Variants in SFSWAP observed in about 807,000 individuals in gnomAD.
SFSWAP encodes the protein splicing factor, suppressor of white-apricot homolog.
SFSWAP carries 17 observed loss-of-function variants against 100.7 expected under a neutral mutation model. The ratio of observed to expected loss-of-function variants is 0.17; its 90% CI spans 0.12 to 0.25. The LOEUF is 0.25. SFSWAP is among the 10% of genes least tolerant of loss of function. The probability of loss-of-function intolerance (pLI) is 1.00; values close to 1 mark genes in which losing one functional copy is unlikely to be tolerated. For synonymous variants in SFSWAP, 504 were observed against 510.1 expected (o/e 0.99, Z 0.16); for missense variants, 1,005 against 1,262.6 (o/e 0.80, Z 3.09).
chr12:131,779,618 G>C (rs771743065), intron 14 of SFSWAP, among the ~76,000 whole-genome samples: 2 of 151,838 alleles, frequency 1.3e-5, no homozygotes, highest in East Asian at 3.9e-4. Flanking sequence ...CACTGACTGT[G>C]CTCATCTAGT....
At chr12:131,753,421 G>A in intron 8 of SFSWAP, 58 bp downstream of exon 8, 1 of 1,547,116 alleles carries the variant, frequency 6.5e-7, no homozygotes, top group Non-Finnish European at 8.8e-7. Context: ...GCAGTCACTG[G>A]GGCCGTCTGT....
rs1407086220 is a variant in SFSWAP at position 131,730,682 on chromosome 12, G to A, written c.1081+2254G>A. 6.6e-6 allele frequency among the ~76,000 whole-genome samples: 1 copy of A among 152,104 alleles called. No individual in the cohort carries two copies. The highest frequency in any genetic ancestry group is 1.5e-5 in the Non-Finnish European group (1 of 68,012). ...TTCTTCCCACCTGCTGATGGCTCCC[G>A]AGACCACTGATAAGCCGTGACAGCC... On this transcript the variant is annotated intron_variant, in intron 7 of 17. Transcript: ENST00000261674. The surrounding 1 kb of genome is among the most constrained non-coding windows in gnomAD (Gnocchi z 4.0).
chr12:131,762,598 TTTG>T (rs1336010973), intron 11 of SFSWAP, among the ~76,000 whole-genome samples: 3 of 152,240 alleles, frequency 2.0e-5, no homozygotes, highest in Non-Finnish European at 4.4e-5. Context: ...TGTTTTGTTT[TTTG>T]TTTTTTTTGA....
chr12:131,753,019 C>CA (rs1481346975), intron 7 of SFSWAP, 104 bp from the exon 8 acceptor site: 1 of 1,515,970 alleles, frequency 6.6e-7, no homozygotes, highest in East Asian at 2.3e-5. Flanking sequence ...TGAGCAGAGG[C>CA]AAGGCTGCAT....
chr12:131,798,628 G>T (rs569364354), intron 16 of SFSWAP, among the ~76,000 whole-genome samples: 1 of 152,144 alleles, frequency 6.6e-6, no homozygotes, highest in Non-Finnish European at 1.5e-5. Context: ...GGCGGCTCAC[G>T]CCTATAATCC....
intron 14 of SFSWAP, among the ~76,000 whole-genome samples, chr12:131,782,908 C>T (rs975591164): frequency 1.7e-4 from 26 of 152,138 alleles, no homozygotes; most frequent in Non-Finnish European, 1.5e-4. Context: ...GAGGCTGGCA[C>T]GGTGGCTCAC....
At chr12:131,753,531 CAG>C (rs1251713055) in intron 8 of SFSWAP, 168 bp downstream of exon 8, 7 of 952,936 alleles carry the variant, frequency 7.3e-6, no homozygotes, top group Non-Finnish European at 1.1e-5. Flanking sequence ...GACAGGAAAA[CAG>C]AAATGGTTGT....
chr12:131,785,647 G>T (rs1267780995), intron 14 of SFSWAP: 1 of 158,114 alleles, frequency 6.3e-6, no homozygotes, highest in Non-Finnish European at 1.4e-5. Context: ...CCCCTGGAGG[G>T]GCGCGGGTCT....
chr12:131,717,166 C>T (rs1352882768), intron 3 of SFSWAP, among the ~76,000 whole-genome samples: 2 of 152,128 alleles, frequency 1.3e-5, no homozygotes, highest in African/African-American at 2.4e-5. Context: ...CCCCATTGAG[C>T]GTCACATTCT....
intron 7 of SFSWAP, among the ~76,000 whole-genome samples, chr12:131,747,777 T>C (rs1460627442): frequency 6.6e-6 from 1 of 152,150 alleles, no homozygotes; most frequent in Non-Finnish European, 1.5e-5. Flanking sequence ...GGGGCTCTGT[T>C]CTGGACACAT....
intron 1 of SFSWAP, chr12:131,712,193 T>C (rs577903574): frequency 6.6e-6 from 1 of 152,202 alleles, no homozygotes; most frequent in Non-Finnish European, 1.5e-5. Context: ...GGGATATAGA[T>C]GTGTTGTTTC....
rs193256276 is a variant in SFSWAP at position 131,732,163 on chromosome 12, G to A, written c.1081+3735G>A. Among the ~76,000 whole-genome samples, 188 of 152,182 alleles carry A rather than the reference G, an allele frequency of 1.2e-3. 1 individual carries two copies. Among genetic ancestry groups the A allele is most frequent in the African/African-American group, 4.3e-3 (178 of 41,530 alleles). On this transcript the variant is annotated intron_variant, in intron 7 of 17. Coordinates refer to ENST00000261674, the MANE Select transcript of SFSWAP (RefSeq NM_004592.4). ...GACCTCAGGTGATCCGCCCACCTCA[G>A]CCTCCCAAAGTGCTGGGATTACAGG...
At chr12:131,777,059 T>C (rs1327333527) in intron 13 of SFSWAP, among the ~76,000 whole-genome samples, 1 of 152,240 alleles carries the variant, frequency 6.6e-6, no homozygotes, top group Non-Finnish European at 1.5e-5. Context: ...GTAGTGCCGA[T>C]ACTCATTTAA....
chr12:131,773,944 C>G (rs941401503), intron 13 of SFSWAP, among the ~76,000 whole-genome samples: 1 of 152,084 alleles, frequency 6.6e-6, no homozygotes, highest in Non-Finnish European at 1.5e-5. Flanking sequence ...TGAGGGCCCA[C>G]GAGGGCCAAA....
intron 6 of SFSWAP, among the ~76,000 whole-genome samples, chr12:131,727,537 C>T (rs535728883): frequency 3.9e-5 from 6 of 151,982 alleles, no homozygotes; most frequent in African/African-American, 9.6e-5. Flanking sequence ...TCCAGCTACT[C>T]GGGAGGCTGA....
chr12:131,732,569 C>T (rs1027547282), intron 7 of SFSWAP, among the ~76,000 whole-genome samples: 13 of 152,234 alleles, frequency 8.5e-5, no homozygotes, highest in African/African-American at 3.1e-4. Context: ...AGAAGCAGGT[C>T]TGCGGATTCT....
intron 7 of SFSWAP, among the ~76,000 whole-genome samples, chr12:131,739,317 A>G (rs1189914432): frequency 6.6e-6 from 1 of 152,172 alleles, no homozygotes; most frequent in African/African-American, 2.4e-5. Context: ...CTTCTGAAAC[A>G]TTGTGTCAAT....
intron 13 of SFSWAP, among the ~76,000 whole-genome samples, chr12:131,771,199 A>G (rs761187251): frequency 1.6e-4 from 25 of 152,182 alleles, no homozygotes; most frequent in Admixed American, 3.9e-4. Flanking sequence ...TTTCACTTAC[A>G]GTAGAGATCC....
chr12:131,724,367 G>A (rs940152277), intron 4 of SFSWAP, among the ~76,000 whole-genome samples: 3 of 152,154 alleles, frequency 2.0e-5, no homozygotes, highest in African/African-American at 7.2e-5. Flanking sequence ...TCCAAGTCGT[G>A]GACATGCATA....
Sources: gnomAD v4.1 joint callset for allele counts (sites outside exome capture counted in the v4.1 genomes callset) on GRCh38, gnomAD v4.1.1 for gene constraint, Gnocchi (gnomAD v3.1) non-coding constraint, MANE v1.5 for transcripts, NCBI Gene and HGNC (gene_info 2026-07-23, HGNC 2026-07-21) for gene names.